Variants in ACVR1C observed in about 807,000 individuals in gnomAD.
ACVR1C encodes activin A receptor type 1C, also known as activin receptor type-1C.
In ACVR1C, 23 loss-of-function variants were observed where a neutral mutation model predicts 57.9. That is an observed-to-expected ratio of 0.40 (90% CI 0.29 to 0.56). ACVR1C has a LOEUF of 0.56. Among genes scored for constraint, ACVR1C ranks in the 20% least tolerant of loss-of-function variants. ACVR1C has a pLI of 0.50. For missense variants in ACVR1C, 480 were observed against 607.9 expected, an observed-to-expected ratio of 0.79 and a Z score of 2.21; for synonymous variants, 214 against 215.3, an observed-to-expected ratio of 0.99 and a Z score of 0.05.
At chr2:157,620,373 T>C (rs1682744329) in intron 1 of ACVR1C, among the ~76,000 whole-genome samples, 1 of 151,980 alleles carries the variant, frequency 6.6e-6, no homozygotes, top group Non-Finnish European at 1.5e-5. Flanking sequence ...TTTTTACTCT[T>C]GGAGAACGAA....
At chr2:157,605,206 A>G (rs1204116508) in intron 1 of ACVR1C, among the ~76,000 whole-genome samples, 1 of 151,766 alleles carries the variant, frequency 6.6e-6, no homozygotes, top group East Asian at 1.9e-4. Flanking sequence ...ATATATATAT[A>G]TATGGGTCTA....
intron 1 of ACVR1C, among the ~76,000 whole-genome samples, chr2:157,616,026 G>A (rs959028155): frequency 6.6e-5 from 10 of 152,148 alleles, no homozygotes; most frequent in African/African-American, 2.2e-4. Context: ...TGGGCTCTCC[G>A]AGCTTCTGTG....
chr2:157,541,591 T>A (rs547475979), intron 6 of ACVR1C, among the ~76,000 whole-genome samples: 4 of 152,286 alleles, frequency 2.6e-5, no homozygotes, highest in African/African-American at 9.6e-5. Flanking sequence ...GGGTGTTAGA[T>A]CCCCTGAAGG....
chr2:157,589,971 A>C (rs1299452904), intron 1 of ACVR1C, among the ~76,000 whole-genome samples: 1 of 151,792 alleles, frequency 6.6e-6, no homozygotes, highest in Admixed American at 6.6e-5. Context: ...GGAAAAGTGG[A>C]TAGCTACACA....
chr2:157,575,948 A>G (rs776572303), intron 2 of ACVR1C, among the ~76,000 whole-genome samples: 6 of 152,194 alleles, frequency 3.9e-5, no homozygotes, highest in Admixed American at 6.5e-5. Context: ...GAATGTGTGA[A>G]CTTCCACAGA....
intron 2 of ACVR1C, among the ~76,000 whole-genome samples, chr2:157,558,074 C>T (rs945200757): frequency 2.0e-5 from 3 of 152,116 alleles, no homozygotes; most frequent in African/African-American, 7.2e-5. Context: ...GGAGCAGAGT[C>T]TCCTAGAGGA....
intron 2 of ACVR1C, among the ~76,000 whole-genome samples, chr2:157,584,426 A>T (rs2105253854): frequency 6.6e-6 from 1 of 152,324 alleles, no homozygotes; most frequent in African/African-American, 2.4e-5. Flanking sequence ...TTTTTAATAA[A>T]CACTCAAATA....
chr2:157,540,222 T>C (rs752722006), intron 7 of ACVR1C, among the ~76,000 whole-genome samples: 7 of 152,220 alleles, frequency 4.6e-5, no homozygotes, highest in Non-Finnish European at 8.8e-5. Context: ...CAACGCTTAG[T>C]CCTAAGTCTG....
In ACVR1C at chr2:157,587,410, C is replaced by T. The variant is rs1688952930; in HGVS notation, c.81G>A (p.Lys27=). ...AAGAATCACACAAAAGACATACACA[C>T]TTCAGTCCTGGAAAGAGTAAGGCAA... ...AAAAELSPGL[K]CVCLLCDSSN... Residue 27 remains lysine, a synonymous_variant, in exon 2 of 9, where the codon AAG becomes AAA. Coordinates refer to ENST00000243349, the MANE Select transcript of ACVR1C (RefSeq NM_145259.3). The T allele has an allele frequency of 2.5e-6, 4 of 1,611,166 alleles. No individual in the cohort carries two copies. Among genetic ancestry groups the T allele is most frequent in the Non-Finnish European group, 3.4e-6 (4 of 1,177,550 alleles).
intron 3 of ACVR1C, among the ~76,000 whole-genome samples, chr2:157,552,161 G>A (rs1016807621): frequency 6.6e-6 from 1 of 152,042 alleles, no homozygotes; most frequent in Non-Finnish European, 1.5e-5. Context: ...TTTTGAGATG[G>A]AGTCTTGCTC....
chr2:157,620,086 A>G (rs536847243), intron 1 of ACVR1C, among the ~76,000 whole-genome samples: 31 of 152,210 alleles, frequency 2.0e-4, no homozygotes, highest in Non-Finnish European at 4.0e-4. Context: ...AACGAAGTCA[A>G]CTTTCTTCTC....
chr2:157,575,246 A>T (rs1039567448), intron 2 of ACVR1C, among the ~76,000 whole-genome samples: 3 of 151,410 alleles, frequency 2.0e-5, no homozygotes, highest in African/African-American at 7.3e-5. Flanking sequence ...CTCCTGTCTC[A>T]GCCTCCTGAG....
At chr2:157,592,368 G>T (rs796916358) in intron 1 of ACVR1C, among the ~76,000 whole-genome samples, 12 of 152,118 alleles carry the variant, frequency 7.9e-5, no homozygotes, top group African/African-American at 2.9e-4. Flanking sequence ...AATTTATCCT[G>T]GTTAAAAGTA....
rs542403949 is a variant in ACVR1C at position 157,607,836 on chromosome 2, G to A, written c.74-20419C>T. Among the ~76,000 whole-genome samples, 34 of 151,826 alleles carry A rather than the reference G, an allele frequency of 2.2e-4. No individual in the cohort carries two copies. In the East Asian group the frequency reaches 6.4e-3, roughly 28 times the overall value. On this transcript the variant is annotated intron_variant, in intron 1 of 8. Transcript: ENST00000243349. ...GTTTGCACCTTTACTGAATTGAACA[G>A]TTCTAGGAATTTTTTTGGTGGAGGC...
At chr2:157,582,713 C>A (rs1688819604) in intron 2 of ACVR1C, among the ~76,000 whole-genome samples, 1 of 152,124 alleles carries the variant, frequency 6.6e-6, no homozygotes, top group Non-Finnish European at 1.5e-5. Flanking sequence ...TTGGCTGTCC[C>A]ATCCAGTGCA....
intron 4 of ACVR1C, among the ~76,000 whole-genome samples, chr2:157,548,136 A>C (rs1687815048): frequency 6.6e-6 from 1 of 151,276 alleles, no homozygotes; most frequent in Admixed American, 6.6e-5. Context: ...CACCAACAAC[A>C]GACAAACAGA....
At chr2:157,601,902 G>A (rs1682290746) in intron 1 of ACVR1C, among the ~76,000 whole-genome samples, 1 of 152,034 alleles carries the variant, frequency 6.6e-6, no homozygotes, top group Non-Finnish European at 1.5e-5. Context: ...CACCACAGAT[G>A]TTAAAAGAAA....
chr2:157,540,047 C>T (rs1260385788), intron 7 of ACVR1C, among the ~76,000 whole-genome samples: 5 of 152,078 alleles, frequency 3.3e-5, no homozygotes, highest in African/African-American at 9.7e-5. Flanking sequence ...GGTCTTTAAT[C>T]GAATGTTTAC....
At chr2:157,580,964 C>CA (rs557560436) in intron 2 of ACVR1C, among the ~76,000 whole-genome samples, 2 of 151,854 alleles carry the variant, frequency 1.3e-5, no homozygotes, top group East Asian at 1.9e-4. Flanking sequence ...AGAAAAAAGA[C>CA]AAAAAAACAA....
Sources: allele counts gnomAD v4.1 joint callset (sites outside exome capture counted in the v4.1 genomes callset), GRCh38; gene constraint gnomAD v4.1.1; transcripts MANE v1.5; gene names NCBI Gene and HGNC (gene_info 2026-07-23, HGNC 2026-07-21).